The following TRABD2B variants were observed in gnomAD, a reference collection of about 807,000 sequenced individuals.
TRABD2B encodes the protein TraB domain containing 2B, also known as metalloprotease TIKI2.
TRABD2B carries 14 observed loss-of-function variants against 40.1 expected under a neutral mutation model. The observed-to-expected ratio is 0.35, with a 90% CI of 0.23 to 0.55. The LOEUF (loss-of-function observed/expected upper bound fraction) is 0.55, where lower values mean the gene tolerates loss of function less well. Ranked by LOEUF, TRABD2B falls within the 20% of genes least tolerant of loss-of-function variation. The pLI, the probability that TRABD2B is intolerant of heterozygous loss-of-function variation, is 0.90. For missense variants in TRABD2B, 541 were observed against 648.6 expected (o/e 0.83, Z 1.80); for synonymous variants, 263 against 277.0 (o/e 0.95, Z 0.50).
rs79333785 is a variant in TRABD2B at position 47,980,134 on chromosome 1, C to T, written c.666+13900G>A. On this transcript the variant is annotated intron_variant, in intron 2 of 6. Coordinates refer to ENST00000606738, the MANE Select transcript of TRABD2B (RefSeq NM_001194986.2). ...TTCTATAGTCAATTGCCTAGTCTCC[C>T]CATGCTTCCCACTAGTGTTCTCCAC... Among the ~76,000 whole-genome samples the T allele has an allele frequency of 5.9e-4, 90 of 152,274 alleles. 1 individual carries two copies. In the East Asian group the frequency reaches 0.013, roughly 22 times the overall value.
chr1:47,818,915 C>T (rs942994604), intron 2 of TRABD2B: 2 of 152,380 alleles, frequency 1.3e-5, no homozygotes, highest in Middle Eastern at 6.8e-3. Context: ...CATTCTGTGG[C>T]GTCTGGCCAT....
At chr1:47,793,085 G>A (rs971665480) in intron 4 of TRABD2B, among the ~76,000 whole-genome samples, 8 of 152,190 alleles carry the variant, frequency 5.3e-5, no homozygotes, top group Non-Finnish European at 7.4e-5. Context: ...CCCTCTCCAT[G>A]CTGCCAGTCA....
intron 2 of TRABD2B, among the ~76,000 whole-genome samples, chr1:47,943,471 C>T (rs1645214900): frequency 2.6e-5 from 4 of 152,158 alleles, no homozygotes; most frequent in Non-Finnish European, 5.9e-5. Context: ...GTTCTACACC[C>T]TAATGCAAGA....
At chr1:47,819,570 C>T (rs554512260) in intron 2 of TRABD2B, 77 of 152,272 alleles carry the variant, frequency 5.1e-4, no homozygotes, top group African/African-American at 1.9e-3. Context: ...GAATTTGGGG[C>T]CTGGTGTGGA....
intron 2 of TRABD2B, among the ~76,000 whole-genome samples, chr1:47,936,229 G>A (rs1275368126): frequency 6.6e-6 from 1 of 152,200 alleles, no homozygotes; most frequent in East Asian, 1.9e-4. Flanking sequence ...ACTTGGGGCT[G>A]AGGTCATGAA....
At chr1:47,879,564 C>T (rs1570193144) in intron 2 of TRABD2B, among the ~76,000 whole-genome samples, 1 of 152,178 alleles carries the variant, frequency 6.6e-6, no homozygotes, top group Admixed American at 6.5e-5. Context: ...AACGCGTATG[C>T]GTGTCATTAA....
At chr1:47,906,745 T>C (rs1644683714) in intron 2 of TRABD2B, among the ~76,000 whole-genome samples, 1 of 152,224 alleles carries the variant, frequency 6.6e-6, no homozygotes, top group Admixed American at 6.5e-5. Flanking sequence ...CCCAGAATCT[T>C]GGCTAGGATG....
At chr1:47,914,411 C>A (rs985051641) in intron 2 of TRABD2B, among the ~76,000 whole-genome samples, 1 of 152,234 alleles carries the variant, frequency 6.6e-6, no homozygotes, top group Admixed American at 6.5e-5. Flanking sequence ...GGACAGATTC[C>A]GCGGTGCCCG....
chr1:47,915,449 T>C (rs1369683144), intron 2 of TRABD2B, among the ~76,000 whole-genome samples: 1 of 152,178 alleles, frequency 6.6e-6, no homozygotes, highest in African/African-American at 2.4e-5. Flanking sequence ...TCATTACCAT[T>C]TGCATGTGTA....
At chr1:47,976,563 G>C (rs1645758289) in intron 2 of TRABD2B, among the ~76,000 whole-genome samples, 1 of 152,170 alleles carries the variant, frequency 6.6e-6, no homozygotes, top group Non-Finnish European at 1.5e-5. Flanking sequence ...ATGGGGTGAA[G>C]AGCAATACGT....
Position 47,989,701 on chromosome 1 carries a change from TTCTC to T in TRABD2B, c.666+4329_666+4332del, listed in dbSNP as rs1026862621. Among the ~76,000 whole-genome samples the T allele has an allele frequency of 4.0e-5, 6 of 151,686 alleles. 1 individual carries two copies. The highest frequency in any genetic ancestry group is 4.2e-4 in the South Asian group (2 of 4,810). On this transcript the variant is annotated intron_variant, in intron 2 of 6. Transcript: ENST00000606738. ...GAAAATCAGTTCCAGCACTTTTCAA[TTCTC>T]TCTCTCTCTTTTTCGGCAAGAAATG...
intron 2 of TRABD2B, among the ~76,000 whole-genome samples, chr1:47,822,998 G>A (rs1459472956): frequency 6.6e-6 from 1 of 152,206 alleles, no homozygotes; most frequent in African/African-American, 2.4e-5. Context: ...TCCAGGGGTG[G>A]ACTCCTTCTC....
intron 2 of TRABD2B, among the ~76,000 whole-genome samples, chr1:47,993,413 G>A (rs1037558322): frequency 1.5e-4 from 23 of 152,148 alleles, no homozygotes; most frequent in African/African-American, 5.1e-4. Context: ...ACCTTTAAGC[G>A]AACACGCTTC....
intron 2 of TRABD2B, among the ~76,000 whole-genome samples, chr1:47,842,130 G>A (rs4275495): frequency 0.96 from 146,331 of 152,288 alleles, 70,590 homozygotes; most frequent in East Asian, 1. Flanking sequence ...TGAAAATTTA[G>A]ACAAAAGGTT....
At chr1:47,966,085 G>C (rs1204490072) in intron 2 of TRABD2B, among the ~76,000 whole-genome samples, 1 of 152,216 alleles carries the variant, frequency 6.6e-6, no homozygotes, top group Non-Finnish European at 1.5e-5. Flanking sequence ...AAGTCCTCTT[G>C]AAGGTCAGCA....
intron 2 of TRABD2B, among the ~76,000 whole-genome samples, chr1:47,908,693 A>G (rs1028209042): frequency 5.3e-5 from 8 of 152,008 alleles, no homozygotes; most frequent in Non-Finnish European, 8.8e-5. Context: ...TCAACCCTCA[A>G]TGGCCAAGGA....
chr1:47,882,249 G>A (rs1270174552), intron 2 of TRABD2B, among the ~76,000 whole-genome samples: 2 of 152,148 alleles, frequency 1.3e-5, no homozygotes, highest in African/African-American at 2.4e-5. Flanking sequence ...CCATGCTGCC[G>A]TTGCATGGGA....
chr1:47,965,205 GGGGGGTGGA>G (rs1645582084), intron 2 of TRABD2B, among the ~76,000 whole-genome samples: 1 of 111,490 alleles, frequency 9.0e-6, no homozygotes. Context: ...GGGGGGCGGG[GGGGGGTGGA>G]GGGGGGGGTG....
chr1:47,873,506 G>A (rs1261342159), intron 2 of TRABD2B, among the ~76,000 whole-genome samples: 1 of 152,194 alleles, frequency 6.6e-6, no homozygotes, highest in African/African-American at 2.4e-5. Context: ...CAGACAGCAT[G>A]TGGCTGGGGC....
Sources: allele counts gnomAD v4.1 joint callset (sites outside exome capture counted in the v4.1 genomes callset), GRCh38; gene constraint gnomAD v4.1.1; transcripts MANE v1.5; gene names NCBI Gene and HGNC (gene_info 2026-07-23, HGNC 2026-07-21).